SEMA4D: variants seen among roughly 807,000 people sequenced by gnomAD.
SEMA4D encodes the protein semaphorin-4D.
Under a neutral mutation model 74.8 loss-of-function variants are expected in SEMA4D, and 22 were observed. The observed-to-expected ratio is 0.29, with a 90% CI of 0.21 to 0.42. SEMA4D has a LOEUF of 0.42. Among genes scored for constraint, SEMA4D ranks in the 10% least tolerant of loss-of-function variants. SEMA4D has a pLI of 1.00. For synonymous variants in SEMA4D, 445 were observed against 463.7 expected, an observed-to-expected ratio of 0.96 and a Z score of 0.52; for missense variants, 937 against 1,118.4, an observed-to-expected ratio of 0.84 and a Z score of 2.31.
intron 15 of SEMA4D, among the ~76,000 whole-genome samples, chr9:89,380,393 G>A (rs1836760891): frequency 6.6e-6 from 1 of 152,124 alleles, no homozygotes; most frequent in Non-Finnish European, 1.5e-5. Flanking sequence ...GGAGTGCAGT[G>A]GCATGATAAG....
intron 1 of SEMA4D, chr9:89,497,500 A>C (rs56214429): frequency 0.19 from 28,602 of 151,634 alleles, 2,885 homozygotes; most frequent in East Asian, 0.32. Flanking sequence ...GCGGGGCCGG[A>C]CTGGGCGGGC....
intron 1 of SEMA4D, among the ~76,000 whole-genome samples, chr9:89,480,614 C>T (rs1037512215): frequency 1.3e-5 from 2 of 152,228 alleles, no homozygotes; most frequent in African/African-American, 2.4e-5. Flanking sequence ...GCCGGTGGGC[C>T]AGCACTGCTG....
chr9:89,481,306 C>T (rs771648506), intron 1 of SEMA4D, among the ~76,000 whole-genome samples: 66 of 152,238 alleles, frequency 4.3e-4, no homozygotes, highest in Non-Finnish European at 2.4e-4. Flanking sequence ...GGCCCATCAG[C>T]AAGCAACAGG....
rs767791602 is a variant in SEMA4D, at chr9:89,399,346, G to A, written c.253-8C>T. 4 of 1,602,402 alleles carry A rather than the reference G, an allele frequency of 2.5e-6. No individual in the cohort carries two copies. The East Asian group carries it at 8.9e-5, about 36-fold the overall frequency. The stretch of plus-strand genomic sequence containing the variant: ...TGAGACCTTCCAATACACCTGTTGG[G>A]ATAGAGTCCATATCAGTGCATATTC... On this transcript the variant is annotated splice_region_variant and splice_polypyrimidine_tract_variant and intron_variant, in intron 4 of 15. Coordinates refer to ENST00000422704, the MANE Select transcript of SEMA4D (RefSeq NM_001371194.2).
In SEMA4D at chr9:89,461,700, C is replaced by CTCTCTCTCTTTTTTTT. The variant is rs71281350; in HGVS notation, c.-309-5748_-309-5747insAAAAAAAAGAGAGAGA. On this transcript the variant is annotated intron_variant, in intron 1 of 15. Transcript: ENST00000422704. ...GGGCCAATGTGTATTTCTTTTTTCT[C>CTCTCTCTCTTTTTTTT]TTTTTTTTTTTTTTTTTTTGGAGAC... 8.7e-5 allele frequency among the ~76,000 whole-genome samples: 9 copies of CTCTCTCTCTTTTTTTT among 103,640 alleles called. No homozygotes were observed. In the East Asian group the frequency reaches 1.1e-3, roughly 13 times the overall value. The allele number at this position is 103,640 out of a possible 152,430, so 68.0% of individuals were successfully genotyped here.
At chr9:89,489,432 G>A (rs1014245067) in intron 1 of SEMA4D, among the ~76,000 whole-genome samples, 2 of 152,272 alleles carry the variant, frequency 1.3e-5, no homozygotes, top group East Asian at 1.9e-4. Flanking sequence ...GCAATGTTAT[G>A]TAACCATCAC....
chr9:89,388,623 T>G lies in SEMA4D; in HGVS notation c.1107+13A>C, dbSNP rs752781852. 43 of 1,591,990 alleles carry G rather than the reference T, an allele frequency of 2.7e-5. No homozygotes were observed. Among genetic ancestry groups the G allele is most frequent in the Non-Finnish European group, 3.5e-5 (41 of 1,176,608 alleles). Reference sequence around the variant, plus strand: ...AAGGGAAAGCACGGCCCGCCCCCAGTGCCCCAGCTCACCGCTCCAGGCCGC... The same window carrying G: ...AAGGGAAAGCACGGCCCGCCCCCAGGGCCCCAGCTCACCGCTCCAGGCCGC... On this transcript the variant is annotated intron_variant, in intron 11 of 15. Transcript: ENST00000422704.
chr9:89,487,637 C>CA (rs1166239949), intron 1 of SEMA4D, among the ~76,000 whole-genome samples: 1 of 151,730 alleles, frequency 6.6e-6, no homozygotes, highest in Admixed American at 6.6e-5. Flanking sequence ...TGAGGGACTA[C>CA]AAAAAAAGCT....
chr9:89,481,690 G>A (rs914144587), intron 1 of SEMA4D, among the ~76,000 whole-genome samples: 4 of 152,246 alleles, frequency 2.6e-5, no homozygotes, highest in African/African-American at 9.6e-5. Flanking sequence ...TGTCACAGAC[G>A]GATGCTGAGT....
In SEMA4D at chr9:89,405,536, C is replaced by G. The variant is rs775631478; in HGVS notation, c.-80G>C. On this transcript the variant is annotated 5_prime_UTR_variant, in exon 3 of 16. Coordinates refer to ENST00000422704, the MANE Select transcript of SEMA4D (RefSeq NM_001371194.2). ...CCGGGCAGGTGTGCTATTGCAGATG[C>G]GGCTCAGCGCCCCAGGACCAGGGCC... is the stretch of plus-strand genomic sequence containing the variant. 2 of 1,567,912 alleles carry G rather than the reference C, an allele frequency of 1.3e-6. No individual in the cohort carries two copies. The highest frequency in any genetic ancestry group is 1.7e-6 in the Non-Finnish European group (2 of 1,161,544).
chr9:89,480,438 G>A (rs1310602849), intron 1 of SEMA4D, among the ~76,000 whole-genome samples: 1 of 152,278 alleles, frequency 6.6e-6, no homozygotes, highest in Non-Finnish European at 1.5e-5. Flanking sequence ...CCCTTGGGTG[G>A]TCGATGGGAC....
intron 1 of SEMA4D, chr9:89,472,373 C>T (rs986673490): frequency 5.2e-6 from 2 of 382,770 alleles, no homozygotes; most frequent in Non-Finnish European, 1.0e-5. Context: ...AAGACACTTA[C>T]AAGATGGACA....
intron 1 of SEMA4D, among the ~76,000 whole-genome samples, chr9:89,461,700 C>A (rs1233414774): frequency 9.6e-6 from 1 of 103,646 alleles, no homozygotes; most frequent in Non-Finnish European, 1.9e-5. Flanking sequence ...TCTTTTTTCT[C>A]TTTTTTTTTT....
At position 89,362,447 on chromosome 9, in the gene SEMA4D, CTT is replaced by C. The variant is rs1564473664; in HGVS notation, c.2191-21_2191-20del. ...AGCTTTCCTGAAAGAACAATGTGGT[CTT>C]TGAATCCTTGGTGGAACGGATGGGC... On this transcript the variant is annotated intron_variant, in intron 18 of 18. Coordinates refer to the SEMA4D transcript ENST00000339861. 6 of 1,613,974 alleles carry C rather than the reference CTT, an allele frequency of 3.7e-6. No homozygotes were observed. The South Asian group carries it at 5.5e-5, about 15-fold the overall frequency.
chr9:89,480,651 A>G (rs1022870682), intron 1 of SEMA4D, among the ~76,000 whole-genome samples: 4 of 152,214 alleles, frequency 2.6e-5, no homozygotes, highest in African/African-American at 9.7e-5. Context: ...CTCCGCAGCC[A>G]CTGGCCCGGG....
At chr9:89,477,910 T>G (rs867675448) in intron 1 of SEMA4D, among the ~76,000 whole-genome samples, 5 of 152,104 alleles carry the variant, frequency 3.3e-5, no homozygotes, top group Admixed American at 2.6e-4. Context: ...AGAGAAAAAC[T>G]CGCATAAAAA....
At chr9:89,425,624 G>A (rs1024635818) in intron 2 of SEMA4D, among the ~76,000 whole-genome samples, 6 of 152,202 alleles carry the variant, frequency 3.9e-5, no homozygotes, top group Non-Finnish European at 7.3e-5. Flanking sequence ...CTACAAGCCC[G>A]CTGCTTTGAC....
intron 13 of SEMA4D, chr9:89,385,936 T>C: frequency 1.0e-6 from 1 of 970,266 alleles, no homozygotes; most frequent in African/African-American, 1.9e-5. Context: ...CAGCCACAGG[T>C]GGAGACAGCT....
chr9:89,453,865 T>A (rs1855250027), intron 2 of SEMA4D, among the ~76,000 whole-genome samples: 1 of 151,002 alleles, frequency 6.6e-6, no homozygotes, highest in Non-Finnish European at 1.5e-5. Flanking sequence ...GTCTTTTTTT[T>A]TTTTTTTTTT....
Sources: allele counts gnomAD v4.1 joint callset (sites outside exome capture counted in the v4.1 genomes callset), GRCh38; gene constraint gnomAD v4.1.1; transcripts MANE v1.5; gene names NCBI Gene and HGNC (gene_info 2026-07-23, HGNC 2026-07-21).